The following ADIPOR2 variants were observed in gnomAD, a reference collection of about 807,000 sequenced individuals.
The protein encoded by ADIPOR2 is adiponectin receptor protein 2.
Under a neutral mutation model 40.9 loss-of-function variants are expected in ADIPOR2, and 18 were observed. That is an observed-to-expected ratio of 0.44 (90% CI 0.30 to 0.65). ADIPOR2 has a LOEUF of 0.65. ADIPOR2 is among the 30% of genes least tolerant of loss of function. ADIPOR2 has a pLI of 0.09. For synonymous variants in ADIPOR2, 165 were observed against 166.4 expected (o/e 0.99, Z 0.06); for missense variants, 283 against 479.2 (o/e 0.59, Z 3.82).
intron 2 of ADIPOR2, among the ~76,000 whole-genome samples, chr12:1,771,305 A>C (rs546963510): frequency 6.6e-6 from 1 of 152,154 alleles, no homozygotes; most frequent in African/African-American, 2.4e-5. Flanking sequence ...TTGAGGCTGC[A>C]GTGAGCCATG....
chr12:1,771,392 T>TAAAA (rs761395094), intron 2 of ADIPOR2, among the ~76,000 whole-genome samples: 17 of 128,446 alleles, frequency 1.3e-4, no homozygotes, highest in Admixed American at 7.7e-5. Context: ...TGTCTCAAAC[T>TAAAA]AAAAAAAAAA....
chr12:1,770,136 G>A (rs1362157049), intron 2 of ADIPOR2, among the ~76,000 whole-genome samples: 1 of 152,050 alleles, frequency 6.6e-6, no homozygotes, highest in African/African-American at 2.4e-5. Context: ...TGCCCAGGCT[G>A]GTCTCGAGCT....
chr12:1,783,760 A>T, intron 6 of ADIPOR2, 120 bp from the exon 7 acceptor site: 1 of 843,922 alleles, frequency 1.2e-6, no homozygotes, highest in Non-Finnish European at 1.7e-6. Context: ...ACTGGAAGCT[A>T]ATTTTATATG....
intron 3 of ADIPOR2, among the ~76,000 whole-genome samples, chr12:1,777,115 A>T (rs1202792903): frequency 6.6e-6 from 1 of 152,196 alleles, no homozygotes; most frequent in Non-Finnish European, 1.5e-5. Context: ...AAAAGGCACA[A>T]AAGTATGATT....
chr12:1,712,180 C>T (rs903761294), intron 1 of ADIPOR2, among the ~76,000 whole-genome samples: 2 of 152,100 alleles, frequency 1.3e-5, no homozygotes, highest in African/African-American at 4.8e-5. Flanking sequence ...CTAAGAGATC[C>T]TCTTGGGTGG....
rs1330378788 is a variant in ADIPOR2, at chr12:1,752,963, T to C, written c.-86-1295T>C. On this transcript the variant is annotated intron_variant, in intron 1 of 7. Transcript: ENST00000357103. Reference sequence around the variant, plus strand: ...ATGCCCAGGTTTGGTATTCTTTAGATTTTTGTTTCTTCTTGCCCTACATAC... The same window carrying C: ...ATGCCCAGGTTTGGTATTCTTTAGACTTTTGTTTCTTCTTGCCCTACATAC... Among the ~76,000 whole-genome samples the C allele has an allele frequency of 1.1e-4, 16 of 152,334 alleles. No homozygotes were observed. In the South Asian group the frequency reaches 2.5e-3, roughly 24 times the overall value.
intron 2 of ADIPOR2, among the ~76,000 whole-genome samples, chr12:1,764,388 G>T (rs1042517523): frequency 2.0e-5 from 3 of 152,040 alleles, no homozygotes; most frequent in African/African-American, 7.2e-5. Context: ...CATTTCTGTG[G>T]ACTAGTAAAT....
intron 2 of ADIPOR2, among the ~76,000 whole-genome samples, chr12:1,758,284 A>T (rs1402892885): frequency 6.6e-6 from 1 of 152,090 alleles, no homozygotes; most frequent in Admixed American, 6.5e-5. Context: ...TTTTCCTTTT[A>T]TCTTGAGCTA....
At chr12:1,753,859 TAAAC>T (rs1223929706) in intron 1 of ADIPOR2, among the ~76,000 whole-genome samples, 2 of 152,152 alleles carry the variant, frequency 1.3e-5, no homozygotes, top group African/African-American at 4.8e-5. Flanking sequence ...TTTTTTAAAT[TAAAC>T]AAGTAATATG....
chr12:1,733,293 T>TATCTTAC (rs1258728106), intron 1 of ADIPOR2, among the ~76,000 whole-genome samples: 1 of 152,222 alleles, frequency 6.6e-6, no homozygotes, highest in African/African-American at 2.4e-5. Flanking sequence ...GGCTTGACTT[T>TATCTTAC]ATCTTACTAT....
chr12:1,731,270 C>T (rs1261359552), intron 1 of ADIPOR2, among the ~76,000 whole-genome samples: 2 of 152,102 alleles, frequency 1.3e-5, no homozygotes, highest in Admixed American at 6.6e-5. Context: ...AGGCTGGTCT[C>T]GAACTTTCTC....
intron 2 of ADIPOR2, among the ~76,000 whole-genome samples, chr12:1,764,558 A>AACACACACACACACACACACACAC (rs59660682): frequency 2.5e-5 from 3 of 119,086 alleles, no homozygotes; most frequent in African/African-American, 7.4e-5. Flanking sequence ...TAAAGTATTA[A>AACACACACACACACACACACACAC]ACACACACAC....
In ADIPOR2 at chr12:1,783,869, G is replaced by A; in HGVS notation, c.839-11G>A. 1 of 1,566,718 alleles carries A rather than the reference G, an allele frequency of 6.4e-7. No homozygotes were observed. On this transcript the variant is annotated splice_polypyrimidine_tract_variant and intron_variant, in intron 6 of 7. Transcript: ENST00000357103. ...TTCTGCATTACTTTACTCTCTTCTT[G>A]TGACTCCTAGGAGTGTTTTTGGGCC... is the stretch of plus-strand genomic sequence containing the variant.
chr12:1,736,147 T>A (rs1422847096), intron 1 of ADIPOR2, among the ~76,000 whole-genome samples: 2 of 152,226 alleles, frequency 1.3e-5, no homozygotes, highest in Admixed American at 1.3e-4. Context: ...TTCTATTGAT[T>A]GGAATAGTTT....
intron 1 of ADIPOR2, among the ~76,000 whole-genome samples, chr12:1,701,710 A>G (rs2094650522): frequency 6.6e-6 from 1 of 152,190 alleles, no homozygotes. Flanking sequence ...ATTTATTCTC[A>G]TGTTGATAGG....
At chr12:1,749,343 G>T (rs1394204188) in intron 1 of ADIPOR2, among the ~76,000 whole-genome samples, 1 of 152,090 alleles carries the variant, frequency 6.6e-6, no homozygotes, top group Non-Finnish European at 1.5e-5. Flanking sequence ...CTTAAGACCC[G>T]CAATCAAAAA....
intron 1 of ADIPOR2, among the ~76,000 whole-genome samples, chr12:1,708,033 T>C (rs1032585824): frequency 7.2e-6 from 1 of 138,368 alleles, no homozygotes; most frequent in African/African-American, 2.5e-5. Flanking sequence ...ATGGAAAATG[T>C]TTGGTAAAAA....
At chr12:1,694,923 G>A (rs1340741379) in intron 1 of ADIPOR2, among the ~76,000 whole-genome samples, 1 of 151,526 alleles carries the variant, frequency 6.6e-6, no homozygotes, top group Non-Finnish European at 1.5e-5. Flanking sequence ...GCATTAATTT[G>A]GCACATTTAT....
In ADIPOR2 at chr12:1,781,042, G is replaced by A; in HGVS notation, c.804G>A (p.Met268Ile). 6.2e-7 allele frequency: 1 copy of A among 1,611,808 alleles called. No individual in the cohort carries two copies. The highest frequency in any genetic ancestry group is 1.1e-5 in the South Asian group (1 of 90,574). ...CCATTATAGTCTCCCAGTGGGACAT[G>A]TTTGCCACCCCTCAGTATCGGGGAG... ...IAAIIVSQWDMFATPQYRGVR... is the reference protein window; with the variant it reads ...IAAIIVSQWDIFATPQYRGVR... The change falls in exon 6 of 8, where the codon ATG (methionine) becomes ATA (isoleucine). Residue 268 changes from methionine (M) to isoleucine (I), a missense_variant. Met to Ile is a conservative substitution (Grantham distance 10). Around this residue, in one of 3 missense-constraint regions of ADIPOR2, gnomAD observed 112 missense variants for 249.5 expected, o/e 0.45. Coordinates refer to ENST00000357103, the MANE Select transcript of ADIPOR2 (RefSeq NM_024551.3).
Sources: gnomAD v4.1 joint callset for allele counts (sites outside exome capture counted in the v4.1 genomes callset) on GRCh38, gnomAD v4.1.1 for gene constraint, gnomAD v4.1.1 regional missense constraint, MANE v1.5 for transcripts, NCBI Gene and HGNC (gene_info 2026-07-23, HGNC 2026-07-21) for gene names.